The following LDLRAD3 variants were observed in gnomAD, a reference collection of about 807,000 sequenced individuals.
LDLRAD3 encodes the protein low-density lipoprotein receptor class A domain-containing protein 3.
In LDLRAD3, 20 loss-of-function variants were observed where a neutral mutation model predicts 29.4. The observed-to-expected ratio is 0.68, with a 90% CI of 0.48 to 0.99. The LOEUF (loss-of-function observed/expected upper bound fraction) is 0.99, where lower values mean the gene tolerates loss of function less well. Ranked by LOEUF, LDLRAD3 falls within the 50% of genes least tolerant of loss-of-function variation. The pLI, the probability that LDLRAD3 is intolerant of heterozygous loss-of-function variation, is 0.00. For synonymous variants in LDLRAD3, 157 were observed against 192.7 expected (o/e 0.81, Z 1.53); for missense variants, 420 against 454.3 (o/e 0.92, Z 0.69).
intron 4 of LDLRAD3, among the ~76,000 whole-genome samples, chr11:36,164,359 A>G (rs531783712): frequency 6.6e-6 from 1 of 152,250 alleles, no homozygotes; most frequent in East Asian, 1.9e-4. Context: ...TTATCAATAA[A>G]CTCATCACTC....
At chr11:36,166,926 T>A (rs1355407724) in intron 4 of LDLRAD3, among the ~76,000 whole-genome samples, 1 of 152,218 alleles carries the variant, frequency 6.6e-6, no homozygotes, top group Non-Finnish European at 1.5e-5. Flanking sequence ...CTGGGTTGAA[T>A]AATGTTCTCC....
intron 4 of LDLRAD3, among the ~76,000 whole-genome samples, chr11:36,217,828 C>T (rs1180217900): frequency 6.6e-6 from 1 of 152,208 alleles, no homozygotes; most frequent in Admixed American, 6.5e-5. Flanking sequence ...TTCAACTTCG[C>T]ATGGCCTTTG....
intron 5 of LDLRAD3, 113 bp from the exon 6 acceptor site, chr11:36,229,047 C>T (rs527586595): frequency 1.6e-4 from 119 of 743,116 alleles, no homozygotes; most frequent in Admixed American, 1.0e-3. Flanking sequence ...AATCTCATTT[C>T]GCACTGGAAA....
At chr11:36,087,345 T>C (rs1853211326) in intron 3 of LDLRAD3, among the ~76,000 whole-genome samples, 1 of 152,230 alleles carries the variant, frequency 6.6e-6, no homozygotes, top group East Asian at 1.9e-4. Context: ...TTGTGTCTAT[T>C]TTTTAAAGTC....
rs138896033 is a variant in LDLRAD3, at chr11:36,071,020, G to A, written c.194-10633G>A. ...CAGCAAAGATCGATGCCCTGTACCCGGTGCAAATTTAGAATGATAAAAAGA... is the reference window on the plus strand; with the variant it reads ...CAGCAAAGATCGATGCCCTGTACCCAGTGCAAATTTAGAATGATAAAAAGA... On this transcript the variant is annotated intron_variant, in intron 2 of 5. Coordinates refer to ENST00000315571, the MANE Select transcript of LDLRAD3 (RefSeq NM_174902.4). 3.0e-3 allele frequency among the ~76,000 whole-genome samples: 451 copies of A among 152,212 alleles called. 2 individuals carry two copies. The highest frequency in any genetic ancestry group is 0.01 in the African/African-American group (430 of 41,524).
intron 4 of LDLRAD3, among the ~76,000 whole-genome samples, chr11:36,214,032 C>T (rs1160204872): frequency 2.0e-5 from 3 of 152,096 alleles, no homozygotes; most frequent in African/African-American, 7.3e-5. Context: ...CCTGATTTTA[C>T]AGTCCCAATT....
At chr11:36,089,825 T>G (rs1400231451) in intron 3 of LDLRAD3, among the ~76,000 whole-genome samples, 1 of 150,878 alleles carries the variant, frequency 6.6e-6, no homozygotes, top group African/African-American at 2.5e-5. Context: ...CTGCCTTGAA[T>G]GGTCTCAAAC....
intron 1 of LDLRAD3, among the ~76,000 whole-genome samples, chr11:35,994,028 T>C (rs1251515918): frequency 6.6e-6 from 1 of 152,108 alleles, no homozygotes; most frequent in Non-Finnish European, 1.5e-5. Context: ...ATGGTGCCCA[T>C]CTCAGGAACA....
intron 1 of LDLRAD3, among the ~76,000 whole-genome samples, chr11:35,981,204 G>A (rs1430602215): frequency 6.6e-6 from 1 of 151,938 alleles, no homozygotes; most frequent in Non-Finnish European, 1.5e-5. Context: ...AGTGGGCAGC[G>A]GGCGGGGGTT....
At chr11:36,098,847 G>A (rs2133274492) in intron 4 of LDLRAD3, among the ~76,000 whole-genome samples, 1 of 152,278 alleles carries the variant, frequency 6.6e-6, no homozygotes, top group Middle Eastern at 3.4e-3. Flanking sequence ...AGAGTGGGAT[G>A]TCTGCACAGG....
chr11:36,007,188 G>A (rs1292251681), intron 1 of LDLRAD3, among the ~76,000 whole-genome samples: 1 of 152,208 alleles, frequency 6.6e-6, no homozygotes, highest in Non-Finnish European at 1.5e-5. Context: ...CCGAGTAAGT[G>A]GAAGTCGTAC....
Position 35,952,473 on chromosome 11 carries a change from G to C in LDLRAD3, c.46+8329G>C, listed in dbSNP as rs534146992. Among the ~76,000 whole-genome samples the C allele has an allele frequency of 7.0e-4, 107 of 152,322 alleles. 1 individual carries two copies. In the Middle Eastern group the frequency reaches 0.014, roughly 19 times the overall value. On this transcript the variant is annotated intron_variant, in intron 1 of 5. Coordinates refer to ENST00000315571, the MANE Select transcript of LDLRAD3 (RefSeq NM_174902.4). Reference sequence around the variant, plus strand: ...CTGTCTTTGGCAGATAGAAACTGCTGTTCTCCTATGTGGAGAACGTATCAG... The same window carrying C: ...CTGTCTTTGGCAGATAGAAACTGCTCTTCTCCTATGTGGAGAACGTATCAG...
At chr11:36,101,477 C>T (rs1021103003) in intron 4 of LDLRAD3, among the ~76,000 whole-genome samples, 55 of 152,214 alleles carry the variant, frequency 3.6e-4, no homozygotes, top group African/African-American at 1.1e-3. Context: ...CAGATATCCA[C>T]GATTTATTAA....
rs1318987000 is a variant in LDLRAD3, at chr11:35,944,506, G to A, written c.46+362G>A. Among the ~76,000 whole-genome samples, 2 of 152,038 alleles carry A rather than the reference G, an allele frequency of 1.3e-5. No homozygotes were observed. The highest frequency in any genetic ancestry group is 2.9e-5 in the Non-Finnish European group (2 of 67,992). On this transcript the variant is annotated intron_variant, in intron 1 of 5. Transcript: ENST00000315571. This position sits in a 1 kb window ranked among gnomAD's most constrained non-coding sequence, Gnocchi z 4.9. ...ACGGAGGCGGGGAAAGGAAAGGAGAGGAGAGGAGAGAACTCTTCCCTGGTC... is the reference window on the plus strand; with the variant it reads ...ACGGAGGCGGGGAAAGGAAAGGAGAAGAGAGGAGAGAACTCTTCCCTGGTC...
At chr11:36,092,354 T>C (rs893564632) in intron 3 of LDLRAD3, among the ~76,000 whole-genome samples, 11 of 152,212 alleles carry the variant, frequency 7.2e-5, no homozygotes, top group African/African-American at 1.9e-4. Flanking sequence ...AGAAATTTTG[T>C]TACATACACA....
At chr11:36,214,244 G>C (rs565758209) in intron 4 of LDLRAD3, among the ~76,000 whole-genome samples, 69 of 152,288 alleles carry the variant, frequency 4.5e-4, no homozygotes, top group Middle Eastern at 6.8e-3. Flanking sequence ...GAGGGCGTGG[G>C]ACTTGACCCT....
intron 1 of LDLRAD3, among the ~76,000 whole-genome samples, chr11:36,011,790 A>G (rs1290268035): frequency 1.3e-5 from 2 of 152,150 alleles, no homozygotes; most frequent in African/African-American, 4.8e-5. Flanking sequence ...GAAAATGGGT[A>G]TAAGTAGCTA....
At chr11:35,957,355 C>T (rs895738509) in intron 1 of LDLRAD3, among the ~76,000 whole-genome samples, 1 of 152,194 alleles carries the variant, frequency 6.6e-6, no homozygotes, top group African/African-American at 2.4e-5. Flanking sequence ...CTGTAAAAAT[C>T]ATCTGACCCA....
chr11:36,136,924 C>G (rs1271308142), intron 4 of LDLRAD3, among the ~76,000 whole-genome samples: 1 of 152,128 alleles, frequency 6.6e-6, no homozygotes. Context: ...CTCCTGGCCT[C>G]GAGTGATCCA....
Sources: gnomAD v4.1 joint callset for allele counts (sites outside exome capture counted in the v4.1 genomes callset) on GRCh38, gnomAD v4.1.1 for gene constraint, Gnocchi (gnomAD v3.1) non-coding constraint, MANE v1.5 for transcripts, NCBI Gene and HGNC (gene_info 2026-07-23, HGNC 2026-07-21) for gene names.